The following GUCY2C variants were observed in gnomAD, a reference collection of about 807,000 sequenced individuals.
GUCY2C encodes guanylyl cyclase C.
In GUCY2C, 118 loss-of-function variants were observed where a neutral mutation model predicts 131.1. The ratio of observed to expected loss-of-function variants is 0.90; its 90% CI spans 0.78 to 1.05. The LOEUF is 1.05. GUCY2C is among the 50% of genes least tolerant of loss of function. The probability of loss-of-function intolerance (pLI) is 0.00; values close to 1 mark genes in which losing one functional copy is unlikely to be tolerated. For missense variants in GUCY2C, 1,161 were observed against 1,304.4 expected (o/e 0.89, Z 1.69); for synonymous variants, 452 against 457.8 (o/e 0.99, Z 0.16).
chr12:14,672,491 C>A (rs1014199841), intron 9 of GUCY2C, among the ~76,000 whole-genome samples: 4 of 152,086 alleles, frequency 2.6e-5, no homozygotes, highest in African/African-American at 9.7e-5. Context: ...TCATTGAAAT[C>A]TTTAGTTGTG....
At chr12:14,627,332 C>G (rs1363211140) in intron 20 of GUCY2C, among the ~76,000 whole-genome samples, 1 of 152,126 alleles carries the variant, frequency 6.6e-6, no homozygotes, top group Admixed American at 6.5e-5. Flanking sequence ...ACCTATGTGA[C>G]TGAAAATTGC....
intron 19 of GUCY2C, among the ~76,000 whole-genome samples, chr12:14,630,215 A>G (rs746667258): frequency 6.5e-4 from 99 of 151,616 alleles, no homozygotes; most frequent in Non-Finnish European, 3.1e-4. Context: ...CTGTCCCTGT[A>G]CTTTGTCTGA....
chr12:14,651,050 G>A (rs1157469549), intron 15 of GUCY2C, among the ~76,000 whole-genome samples: 1 of 152,064 alleles, frequency 6.6e-6, no homozygotes, highest in East Asian at 1.9e-4. Context: ...CAAGAATGAT[G>A]ACCAAGTCTT....
chr12:14,633,227 G>A (rs1419425811), intron 19 of GUCY2C, among the ~76,000 whole-genome samples: 1 of 152,124 alleles, frequency 6.6e-6, no homozygotes, highest in East Asian at 1.9e-4. Context: ...CAGCCCACCT[G>A]GCATTCCAGT....
intron 21 of GUCY2C, 62 bp downstream of exon 21, chr12:14,625,695 A>C: frequency 2.0e-6 from 3 of 1,516,622 alleles, no homozygotes; most frequent in Admixed American, 3.7e-5. Flanking sequence ...AATCCTATAT[A>C]GATACAATGA....
rs143054408 is a variant in GUCY2C, at chr12:14,678,486, A to G, written c.830+1171T>C. Among the ~76,000 whole-genome samples, 151 of 152,344 alleles carry G rather than the reference A, an allele frequency of 9.9e-4. 2 individuals carry two copies. The East Asian group carries it at 0.015, about 15-fold the overall frequency. On this transcript the variant is annotated intron_variant, in intron 6 of 26. Coordinates refer to ENST00000261170, the MANE Select transcript of GUCY2C (RefSeq NM_004963.4). Reference sequence around the variant, plus strand: ...TTCCAGGGGTAAAGCAGCTATTGAAATCAATGAGGTTCTTGGAGTGAAATA... The same window carrying G: ...TTCCAGGGGTAAAGCAGCTATTGAAGTCAATGAGGTTCTTGGAGTGAAATA...
chr12:14,657,221 A>G (rs1330680636), intron 11 of GUCY2C, among the ~76,000 whole-genome samples: 1 of 152,184 alleles, frequency 6.6e-6, no homozygotes, highest in Non-Finnish European at 1.5e-5. Flanking sequence ...ATTTAAACTG[A>G]TGACATAGAA....
Position 14,613,069 on chromosome 12 carries a change from A to G in GUCY2C, c.*48T>C, listed in dbSNP as rs756092549. ...TCAGGACACTTGAGGTCGCTGCCTC[A>G]GTGCAGCTGTATTTTAATTTGTGTG... On this transcript the variant is annotated 3_prime_UTR_variant, in exon 27 of 27. Coordinates refer to ENST00000261170, the MANE Select transcript of GUCY2C (RefSeq NM_004963.4). This position sits in a 1 kb window ranked among gnomAD's most constrained non-coding sequence, Gnocchi z 4.9. 2 of 1,448,052 alleles carry G rather than the reference A, an allele frequency of 1.4e-6. No homozygotes were observed. Among genetic ancestry groups the G allele is most frequent in the South Asian group, 2.3e-5 (2 of 86,918 alleles). The allele number at this position is 1,448,052 out of a possible 1,614,324, so 89.7% of individuals were successfully genotyped here.
chr12:14,684,262 A>G (rs76099477), intron 3 of GUCY2C, among the ~76,000 whole-genome samples: 4,023 of 152,020 alleles, frequency 0.026, 159 homozygotes, highest in African/African-American at 0.093. Flanking sequence ...TTATTCCCCT[A>G]TACATTTCCT....
chr12:14,628,215 C>T (rs1277468384), intron 20 of GUCY2C, among the ~76,000 whole-genome samples: 1 of 152,152 alleles, frequency 6.6e-6, no homozygotes, highest in Non-Finnish European at 1.5e-5. Context: ...TGCTCTGATT[C>T]ATGACATGTC....
intron 19 of GUCY2C, among the ~76,000 whole-genome samples, chr12:14,636,222 A>G (rs1947267349): frequency 6.6e-6 from 1 of 152,176 alleles, no homozygotes; most frequent in Admixed American, 6.6e-5. Context: ...ATACTAGCAA[A>G]CTGAATCTAA....
In GUCY2C at chr12:14,665,954, G is replaced by A. The variant is rs1020499115; in HGVS notation, c.1282+3768C>T. The A allele has an allele frequency of 2.0e-5, 3 of 152,372 alleles. No homozygotes were observed. The South Asian group carries it at 6.2e-4, about 32-fold the overall frequency. 9.4% of individuals were successfully genotyped at this position (152,372 alleles called of 1,614,324 possible). A position where few individuals can be genotyped will look rare whatever the true frequency, so the allele number is the denominator to read the frequency against. ...AAGGACACAGACGCAAACACGGAGC[G>A]GGTCAAGTAGCGGAAAGTTTAATAG... is the stretch of plus-strand genomic sequence containing the variant. On this transcript the variant is annotated intron_variant, in intron 10 of 26. Transcript: ENST00000261170.
intron 7 of GUCY2C, among the ~76,000 whole-genome samples, chr12:14,676,003 G>T (rs1003077652): frequency 6.6e-6 from 1 of 152,206 alleles, no homozygotes; most frequent in South Asian, 2.1e-4. Context: ...AGAACTTCTA[G>T]CTGGGAAAAA....
intron 16 of GUCY2C, among the ~76,000 whole-genome samples, chr12:14,644,817 C>T (rs1248994762): frequency 6.7e-6 from 1 of 148,380 alleles, no homozygotes; most frequent in Non-Finnish European, 1.5e-5. Context: ...TCTCGGCTCA[C>T]AGCAACCTCC....
At chr12:14,649,328 A>G (rs1592110875) in intron 15 of GUCY2C, among the ~76,000 whole-genome samples, 1 of 152,246 alleles carries the variant, frequency 6.6e-6, no homozygotes, top group Non-Finnish European at 1.5e-5. Context: ...TATAATTCCC[A>G]TAGAAAGAAT....
At chr12:14,630,388 T>C (rs1370859651) in intron 19 of GUCY2C, among the ~76,000 whole-genome samples, 2 of 152,162 alleles carry the variant, frequency 1.3e-5, no homozygotes, top group Non-Finnish European at 2.9e-5. Flanking sequence ...TGAAATACTG[T>C]CAGCCCTCTG....
chr12:14,635,359 A>G (rs914709467), intron 19 of GUCY2C, among the ~76,000 whole-genome samples: 2 of 152,220 alleles, frequency 1.3e-5, no homozygotes, highest in African/African-American at 4.8e-5. Context: ...ATGCTTCTGA[A>G]TAACCATTGA....
chr12:14,632,286 A>T (rs1565610238), intron 19 of GUCY2C, among the ~76,000 whole-genome samples: 1 of 152,066 alleles, frequency 6.6e-6, no homozygotes, highest in Non-Finnish European at 1.5e-5. Flanking sequence ...GGTGTTTTAG[A>T]CATGAAGTCC....
At chr12:14,674,075 G>A (rs940128664) in intron 8 of GUCY2C, among the ~76,000 whole-genome samples, 2 of 152,158 alleles carry the variant, frequency 1.3e-5, no homozygotes, top group South Asian at 2.1e-4. Flanking sequence ...ACATTTAGAG[G>A]AAAATTTCTT....
Sources: gnomAD v4.1 joint callset for allele counts (sites outside exome capture counted in the v4.1 genomes callset) on GRCh38, gnomAD v4.1.1 for gene constraint, Gnocchi (gnomAD v3.1) non-coding constraint, MANE v1.5 for transcripts, NCBI Gene and HGNC (gene_info 2026-07-23, HGNC 2026-07-21) for gene names.